The following DOCK2 variants were observed in gnomAD, a reference collection of about 807,000 sequenced individuals.
DOCK2 encodes the protein dedicator of cytokinesis protein 2.
Under a neutral mutation model 248.9 loss-of-function variants are expected in DOCK2, and 87 were observed. The observed-to-expected ratio is 0.35, with a 90% CI of 0.29 to 0.42. The LOEUF (loss-of-function observed/expected upper bound fraction) is 0.42. Among genes scored for constraint, DOCK2 ranks in the 10% least tolerant of loss-of-function variants. The pLI, the probability that DOCK2 is intolerant of heterozygous loss-of-function variation, is 1.00. For missense variants in DOCK2, 1,747 were observed against 2,300.2 expected, an observed-to-expected ratio of 0.76 and a Z score of 4.92; for synonymous variants, 805 against 821.6, an observed-to-expected ratio of 0.98 and a Z score of 0.35.
intron 30 of DOCK2, among the ~76,000 whole-genome samples, chr5:170,007,515 T>C (rs1038188012): frequency 6.6e-6 from 1 of 152,226 alleles, no homozygotes; most frequent in African/African-American, 2.4e-5. Context: ...TATCACAGCT[T>C]TCTGCAGTGG....
chr5:169,731,829 C>T (rs1052587892), intron 22 of DOCK2, among the ~76,000 whole-genome samples: 4 of 151,954 alleles, frequency 2.6e-5, no homozygotes, highest in African/African-American at 4.8e-5. Context: ...AAGAGCTTGC[C>T]TATATTTGGG....
chr5:169,689,138 A>G, intron 8 of DOCK2, 114 bp from the exon 9 acceptor site: 1 of 923,948 alleles, frequency 1.1e-6, no homozygotes, highest in Non-Finnish European at 1.7e-6. Context: ...AAACACCTGC[A>G]TACCCCCAGC....
intron 27 of DOCK2, among the ~76,000 whole-genome samples, chr5:169,888,230 A>G (rs61231015): frequency 0.035 from 5,387 of 152,210 alleles, 193 homozygotes; most frequent in African/African-American, 0.091. Flanking sequence ...ACACCTGGCT[A>G]AAAGCACCCT....
chr5:169,676,225 C>T (rs1759328084), intron 6 of DOCK2, among the ~76,000 whole-genome samples: 1 of 152,124 alleles, frequency 6.6e-6, no homozygotes, highest in Admixed American at 6.5e-5. Context: ...GTAATTGCCT[C>T]CTTTTTGGCC....
intron 32 of DOCK2, among the ~76,000 whole-genome samples, chr5:170,016,511 A>G (rs1041224722): frequency 5.3e-5 from 8 of 152,350 alleles, no homozygotes; most frequent in South Asian, 2.1e-4. Context: ...TGTAAGGGCC[A>G]TTGAGGTCAC....
intron 43 of DOCK2, chr5:170,057,355 T>C (rs1427371032): frequency 1.3e-5 from 8 of 595,618 alleles, no homozygotes; most frequent in Admixed American, 2.7e-5. Context: ...CCCAGGTTAG[T>C]ACTTACTTGG....
At chr5:169,881,298 T>C in intron 27 of DOCK2, 1 of 1,299,230 alleles carries the variant, frequency 7.7e-7, no homozygotes, top group Non-Finnish European at 1.1e-6. Flanking sequence ...CATTTAAAAG[T>C]TTGCTAGAGT....
chr5:169,695,709 C>T (rs1221893858), intron 9 of DOCK2, 94 bp from the exon 10 acceptor site: 2 of 1,552,990 alleles, frequency 1.3e-6, no homozygotes, highest in East Asian at 2.3e-5. Flanking sequence ...GTATTATATA[C>T]ATCCCTCAGA....
chr5:170,057,896 C>T (rs1473415726), intron 44 of DOCK2, among the ~76,000 whole-genome samples: 2 of 151,766 alleles, frequency 1.3e-5, no homozygotes, highest in South Asian at 2.1e-4. Context: ...TTTCCATGGC[C>T]TCCAGTAATA....
At chr5:169,846,637 T>C (rs938200405) in intron 27 of DOCK2, among the ~76,000 whole-genome samples, 1 of 151,666 alleles carries the variant, frequency 6.6e-6, no homozygotes, top group Non-Finnish European at 1.5e-5. Flanking sequence ...TATACACACA[T>C]ATATGTACAT....
chr5:169,676,813 A>T (rs2113325590), intron 6 of DOCK2, among the ~76,000 whole-genome samples: 1 of 152,202 alleles, frequency 6.6e-6, no homozygotes, highest in African/African-American at 2.4e-5. Context: ...CAGATATCAA[A>T]CTTTCTTTGC....
chr5:169,778,230 C>T (rs1280961389), intron 25 of DOCK2, among the ~76,000 whole-genome samples: 1 of 152,196 alleles, frequency 6.6e-6, no homozygotes, highest in African/African-American at 2.4e-5. Flanking sequence ...TCAACACTGT[C>T]TTACAAGGGC....
intron 26 of DOCK2, among the ~76,000 whole-genome samples, chr5:169,804,477 T>TGC (rs1357679221): frequency 2.8e-5 from 2 of 72,546 alleles, no homozygotes; most frequent in African/African-American, 6.7e-5. Context: ...TGTGTGTGTG[T>TGC]GTGTGTGTGC....
intron 27 of DOCK2, among the ~76,000 whole-genome samples, chr5:169,861,856 G>C (rs1023029014): frequency 1.3e-5 from 2 of 152,054 alleles, no homozygotes; most frequent in Non-Finnish European, 2.9e-5. Context: ...GTTGTGCTTT[G>C]GTGTAGAATC....
At chr5:169,807,305 C>T (rs140923926) in intron 26 of DOCK2, among the ~76,000 whole-genome samples, 1 of 152,162 alleles carries the variant, frequency 6.6e-6, no homozygotes, top group African/African-American at 2.4e-5. Flanking sequence ...TGTTAAAACA[C>T]GTTTCTGATC....
At chr5:169,800,724 T>A (rs1489510826) in intron 25 of DOCK2, among the ~76,000 whole-genome samples, 1 of 152,006 alleles carries the variant, frequency 6.6e-6, no homozygotes, top group Admixed American at 6.5e-5. Flanking sequence ...TCTGGTAAAT[T>A]TAAGTAAAAA....
intron 44 of DOCK2, among the ~76,000 whole-genome samples, chr5:170,060,897 G>A (rs1013095287): frequency 4.6e-5 from 7 of 151,996 alleles, no homozygotes; most frequent in African/African-American, 1.7e-4. Context: ...GGGCATGGTG[G>A]CATGCACCTG....
chr5:170,025,224 T>C (rs1162648772), intron 33 of DOCK2, among the ~76,000 whole-genome samples: 1 of 152,266 alleles, frequency 6.6e-6, no homozygotes, highest in African/African-American at 2.4e-5. Context: ...GCCCATTGTA[T>C]TGATAAGGGG....
intron 26 of DOCK2, among the ~76,000 whole-genome samples, chr5:169,828,547 T>G (rs1769020857): frequency 6.6e-6 from 1 of 152,202 alleles, no homozygotes; most frequent in Admixed American, 6.5e-5. Flanking sequence ...GAGCTTCTGA[T>G]GTCTATGTTC....
Sources: gnomAD v4.1 joint callset for allele counts (sites outside exome capture counted in the v4.1 genomes callset) on GRCh38, gnomAD v4.1.1 for gene constraint, MANE v1.5 for transcripts, NCBI Gene and HGNC (gene_info 2026-07-23, HGNC 2026-07-21) for gene names.